ANK3: variants seen among roughly 807,000 people sequenced by gnomAD.
ANK3 encodes the protein ankyrin-3.
Under a neutral mutation model 370.9 loss-of-function variants are expected in ANK3, and 57 were observed. That is an observed-to-expected ratio of 0.15 (90% CI 0.12 to 0.19). ANK3 has a LOEUF of 0.19. Among genes scored for constraint, ANK3 ranks in the 10% least tolerant of loss-of-function variants. ANK3 has a pLI of 1.00. For missense variants in ANK3, 4,439 were observed against 5,302.1 expected (o/e 0.84, Z 5.06); for synonymous variants, 1,929 against 1,946.3 (o/e 0.99, Z 0.23).
chr10:60,333,586 T>C (rs1173155959), intron 1 of ANK3, among the ~76,000 whole-genome samples: 1 of 152,194 alleles, frequency 6.6e-6, no homozygotes, highest in Non-Finnish European at 1.5e-5. Context: ...TCTTTGTTAT[T>C]GTGAATAGTG....
intron 28 of ANK3, 54 bp from the exon 29 acceptor site, chr10:60,088,412 C>A (rs2087251203): frequency 1.4e-6 from 2 of 1,460,258 alleles, no homozygotes; most frequent in African/African-American, 1.4e-5. Flanking sequence ...CTACAACATA[C>A]CTTAAGTCAA....
At chr10:60,146,613 C>A (rs1270675908) in intron 23 of ANK3, among the ~76,000 whole-genome samples, 5 of 152,010 alleles carry the variant, frequency 3.3e-5, no homozygotes, top group African/African-American at 1.2e-4. Flanking sequence ...CTCAGCCTCC[C>A]GAGTAGTTGG....
At chr10:60,685,842 A>C (rs1272749481) in intron 1 of ANK3, among the ~76,000 whole-genome samples, 1 of 152,228 alleles carries the variant, frequency 6.6e-6, no homozygotes, top group African/African-American at 2.4e-5. Flanking sequence ...GAAAATGTCA[A>C]ACTCACCAAT....
chr10:60,528,134 CTTCTTT>C (rs2076519480), intron 2 of ANK3, among the ~76,000 whole-genome samples: 1 of 124,264 alleles, frequency 8.0e-6, no homozygotes. Context: ...TTTTCTTCTT[CTTCTTT>C]TTTTTTTTTT....
At chr10:60,675,025 C>T (rs527492925) in intron 1 of ANK3, among the ~76,000 whole-genome samples, 1 of 152,292 alleles carries the variant, frequency 6.6e-6, no homozygotes, top group African/African-American at 2.4e-5. Context: ...ATTTGCATTG[C>T]AAGTAGCAAT....
chr10:60,082,152 C>T lies in ANK3; in HGVS notation c.4348G>A (p.Glu1450Lys). 1.2e-6 allele frequency: 2 copies of T among 1,609,986 alleles called. No individual in the cohort carries two copies. The highest frequency in any genetic ancestry group is 1.1e-5 in the South Asian group (1 of 90,746). Residue 1450 changes from glutamate (E) to lysine (K), a missense_variant and splice_region_variant, in exon 35 of 44, where the codon GAG becomes AAG. Glu to Lys is a moderately conservative substitution (Grantham distance 56). This residue lies in a region of ANK3 where 679 missense variants were observed against 791.0 expected (regional missense o/e 0.86). Coordinates refer to ENST00000280772, the MANE Select transcript of ANK3 (RefSeq NM_020987.5). ...KKETESDQDDEIEKTDRRQSF... is the reference protein window; with the variant it reads ...KKETESDQDDKIEKTDRRQSF... Reference sequence around the variant, plus strand: ...AAAAGCAGAAGTGTTTATATTACCTCATCATCTTGATCTGACTCTGTCTCC... The same window carrying T: ...AAAAGCAGAAGTGTTTATATTACCTTATCATCTTGATCTGACTCTGTCTCC...
chr10:60,387,497 A>C (rs2062556554), intron 1 of ANK3, among the ~76,000 whole-genome samples: 1 of 152,188 alleles, frequency 6.6e-6, no homozygotes, highest in Non-Finnish European at 1.5e-5. Context: ...TCTGTAATAC[A>C]CTGTATCTTA....
intron 2 of ANK3, among the ~76,000 whole-genome samples, chr10:60,432,150 T>C (rs1054811100): frequency 6.6e-6 from 1 of 152,230 alleles, no homozygotes; most frequent in Non-Finnish European, 1.5e-5. Context: ...CTAATATCCA[T>C]ACAAGTCAGA....
intron 8 of ANK3, among the ~76,000 whole-genome samples, chr10:60,230,542 T>C (rs1381475172): frequency 6.6e-6 from 1 of 152,078 alleles, no homozygotes. Context: ...TTAATTAGCA[T>C]TATGGAGCTG....
chr10:60,476,085 C>T lies in ANK3; in HGVS notation c.96+139101G>A, dbSNP rs1275910722. ...TAATATTTTGTCTTCAACATTGAAGCCAGGAGCTAAGAGAAATGAAGTCAT... is the reference window on the plus strand; with the variant it reads ...TAATATTTTGTCTTCAACATTGAAGTCAGGAGCTAAGAGAAATGAAGTCAT... On this transcript the variant is annotated intron_variant, in intron 2 of 43. Coordinates refer to the ANK3 transcript ENST00000373827. Among the ~76,000 whole-genome samples the T allele has an allele frequency of 3.9e-5, 6 of 152,240 alleles. No homozygotes were observed. In the East Asian group the frequency reaches 9.6e-4, roughly 24 times the overall value.
intron 36 of ANK3, among the ~76,000 whole-genome samples, chr10:60,079,764 G>A (rs897325652): frequency 3.3e-5 from 5 of 152,170 alleles, no homozygotes; most frequent in African/African-American, 1.2e-4. Context: ...CTTGAGGGCT[G>A]TAGAGATCAC....
At chr10:60,271,889 C>CA (rs1218819735) in intron 4 of ANK3, among the ~76,000 whole-genome samples, 1 of 150,280 alleles carries the variant, frequency 6.7e-6, no homozygotes, top group East Asian at 1.9e-4. Context: ...AGAATTGTAA[C>CA]AAGTTAGGTG....
intron 1 of ANK3, among the ~76,000 whole-genome samples, chr10:60,670,321 T>C (rs1408936144): frequency 6.6e-6 from 1 of 152,020 alleles, no homozygotes; most frequent in Admixed American, 6.6e-5. Context: ...GTCTTCCTCA[T>C]CTCCATAAAT....
chr10:60,364,793 TA>T, intron 1 of ANK3, among the ~76,000 whole-genome samples: 1 of 152,248 alleles, frequency 6.6e-6, no homozygotes, highest in Non-Finnish European at 1.5e-5. Flanking sequence ...TAACAATTTT[TA>T]ATGTGGACAA....
At chr10:60,545,756 A>G (rs2076949833) in intron 2 of ANK3, among the ~76,000 whole-genome samples, 1 of 152,230 alleles carries the variant, frequency 6.6e-6, no homozygotes, top group Non-Finnish European at 1.5e-5. Context: ...GTTATATGAT[A>G]TTTAGATTTT....
intron 1 of ANK3, among the ~76,000 whole-genome samples, chr10:60,667,218 TTAATTATATTGAA>T (rs1197173043): frequency 0.063 from 7,866 of 125,668 alleles, 295 homozygotes; most frequent in African/African-American, 0.11. Flanking sequence ...TTATATTATA[TTAATTATATTGAA>T]TTGAAGAAAA....
intron 8 of ANK3, among the ~76,000 whole-genome samples, chr10:60,227,482 G>A (rs1180943194): frequency 2.0e-5 from 3 of 152,040 alleles, no homozygotes; most frequent in African/African-American, 7.2e-5. Flanking sequence ...ATCAAATTTG[G>A]AAGTAAATAT....
intron 2 of ANK3, among the ~76,000 whole-genome samples, chr10:60,413,640 G>T (rs78474933): frequency 1.3e-5 from 2 of 152,086 alleles, no homozygotes; most frequent in East Asian, 3.9e-4. Flanking sequence ...TTTTACCCCA[G>T]AAAAAAAGGG....
intron 2 of ANK3, among the ~76,000 whole-genome samples, chr10:60,518,237 T>C (rs934846091): frequency 2.6e-5 from 4 of 152,110 alleles, no homozygotes; most frequent in African/African-American, 9.7e-5. Flanking sequence ...ACTTCTTCTA[T>C]CTTCAGATGA....
Sources: allele counts gnomAD v4.1 joint callset (sites outside exome capture counted in the v4.1 genomes callset), GRCh38; gene constraint gnomAD v4.1.1; regional missense constraint gnomAD v4.1.1; transcripts MANE v1.5; gene names NCBI Gene and HGNC (gene_info 2026-07-23, HGNC 2026-07-21).